The following ATAD1 variants were observed in gnomAD, a reference collection of about 807,000 sequenced individuals.
ATAD1 encodes the protein outer mitochondrial transmembrane helix translocase.
In ATAD1, 18 loss-of-function variants were observed where a neutral mutation model predicts 42.7. The ratio of observed to expected loss-of-function variants is 0.42; its 90% CI spans 0.29 to 0.63. The LOEUF (loss-of-function observed/expected upper bound fraction) is 0.63. Among genes scored for constraint, ATAD1 ranks in the 20% least tolerant of loss-of-function variants. ATAD1 has a pLI of 0.19. For missense variants in ATAD1, 294 were observed against 440.4 expected (o/e 0.67, Z 2.98); for synonymous variants, 132 against 143.1 (o/e 0.92, Z 0.55).
At chr10:87,765,471 C>A (rs1303687078) in intron 8 of ATAD1, among the ~76,000 whole-genome samples, 2 of 110,164 alleles carry the variant, frequency 1.8e-5, no homozygotes, top group Non-Finnish European at 3.4e-5. Context: ...TATTCAAAAT[C>A]CAGAAGCCAT....
upstream of ATAD1, among the ~76,000 whole-genome samples, chr10:87,822,863 T>C (rs1857656205): frequency 6.6e-6 from 1 of 152,016 alleles, no homozygotes; most frequent in East Asian, 1.9e-4. Context: ...GATGTGATTA[T>C]AACACATTGT....
At position 87,754,804 on chromosome 10, in the gene ATAD1, A is replaced by G. The variant is rs754296856; in HGVS notation, c.969T>C (p.His323=). The change falls in exon 10 of 10, where the codon CAT becomes CAC. Residue 323 remains histidine (H), a synonymous_variant. Coordinates refer to ENST00000680024, the MANE Select transcript of ATAD1 (RefSeq NM_001321967.2). ...EYVNSTSEES[H]DEDEIRPVQQ... is the part of the protein sequence containing the mutation. ...GAACAGGCCGAATTTCATCTTCGTC[A>G]TGGCTAAAATGCAAACAAAACCATC... The G allele has an allele frequency of 2.5e-6, 4 of 1,611,976 alleles. No individual in the cohort carries two copies. Among genetic ancestry groups the G allele is most frequent in the Non-Finnish European group, 2.5e-6 (3 of 1,178,622 alleles).
intron 4 of ATAD1, among the ~76,000 whole-genome samples, chr10:87,787,012 G>A (rs1227282663): frequency 6.6e-6 from 1 of 152,054 alleles, no homozygotes; most frequent in East Asian, 1.9e-4. Context: ...AATTATCAGT[G>A]AGTCTAGAGA....
At chr10:87,785,349 A>G (rs1177886094) in intron 4 of ATAD1, among the ~76,000 whole-genome samples, 2 of 150,560 alleles carry the variant, frequency 1.3e-5, no homozygotes, top group Admixed American at 1.3e-4. Flanking sequence ...ATGAGATAGC[A>G]TTTTCTAAAT....
chr10:87,802,031 T>G (rs1000777673), intron 2 of ATAD1, among the ~76,000 whole-genome samples: 2 of 152,242 alleles, frequency 1.3e-5, no homozygotes, highest in Non-Finnish European at 2.9e-5. Flanking sequence ...TAGACTCCTA[T>G]GAACAAAATT....
Position 87,803,321 on chromosome 10 carries a change from A to G in ATAD1, c.163-10566T>C, listed in dbSNP as rs1027305108. ...ATTTTCTTCTAAATATGCTTTCTCC[A>G]AAAGATTTTTAAAAAGGGAGGAAAT... On this transcript the variant is annotated intron_variant, in intron 2 of 9. Coordinates refer to ENST00000680024, the MANE Select transcript of ATAD1 (RefSeq NM_001321967.2). Among the ~76,000 whole-genome samples the G allele has an allele frequency of 9.8e-4, 149 of 152,318 alleles. 2 individuals are homozygous for G. Among genetic ancestry groups the G allele is most frequent in the Non-Finnish European group, 4.3e-4 (29 of 68,018 alleles).
At chr10:87,819,754 T>C (rs563119818), upstream of ATAD1, among the ~76,000 whole-genome samples, 6 of 152,366 alleles carry the variant, frequency 3.9e-5, no homozygotes, top group East Asian at 1.9e-4. Context: ...CCTTGTACTT[T>C]ACGTTTTCTC....
chr10:87,758,618 TAAAAAC>T (rs895856522), intron 8 of ATAD1, among the ~76,000 whole-genome samples: 1 of 151,782 alleles, frequency 6.6e-6, no homozygotes, highest in Non-Finnish European at 1.5e-5. Flanking sequence ...ACATTTGAAA[TAAAAAC>T]AAAGAAAAGC....
At chr10:87,766,542 G>A (rs1854758675) in intron 8 of ATAD1, among the ~76,000 whole-genome samples, 1 of 152,262 alleles carries the variant, frequency 6.6e-6, no homozygotes, top group Admixed American at 6.5e-5. Flanking sequence ...TAAAAAATAA[G>A]TAAATAAAAG....
At chr10:87,831,779 G>T (rs930143305) in intron 1 of ATAD1, among the ~76,000 whole-genome samples, 30 of 152,160 alleles carry the variant, frequency 2.0e-4, no homozygotes, top group African/African-American at 6.5e-4. Flanking sequence ...CTGACAAGTG[G>T]TTAAGAACCT....
chr10:87,765,188 T>C (rs1854681955), intron 8 of ATAD1, among the ~76,000 whole-genome samples: 1 of 152,052 alleles, frequency 6.6e-6, no homozygotes, highest in Non-Finnish European at 1.5e-5. Flanking sequence ...GGGTTTCTGG[T>C]AGTTCAAGGA....
intron 1 of ATAD1, among the ~76,000 whole-genome samples, chr10:87,817,098 A>G (rs1857451626): frequency 6.6e-6 from 1 of 152,248 alleles, no homozygotes; most frequent in Admixed American, 6.5e-5. Context: ...CACTTGTAAA[A>G]TAGTAGTCTA....
rs1856039726 is a variant in ATAD1, at chr10:87,790,395, G to A, written c.297C>T (p.Val99=). 1 of 1,612,106 alleles carries A rather than the reference G, an allele frequency of 6.2e-7. No individual in the cohort carries two copies. The highest frequency in any genetic ancestry group is 8.5e-7 in the Non-Finnish European group (1 of 1,179,620). ...TGACTGTGTCTTTCAGATCCGTAAT[G>A]ACATCATCTAAACCTGCTATATCAC... is the stretch of plus-strand genomic sequence containing the variant. The part of the protein sequence containing the change: ...TWSDIAGLDD[V]ITDLKDTVIL... Residue 99 remains valine (V), a synonymous_variant, in exon 4 of 10, where the codon GTC becomes GTT. Coordinates refer to ENST00000680024, the MANE Select transcript of ATAD1 (RefSeq NM_001321967.2).
chr10:87,756,848 C>G lies in ATAD1; in HGVS notation c.906G>C (p.Met302Ile), dbSNP rs1383619187. 6.2e-7 allele frequency: 1 copy of G among 1,612,970 alleles called. No individual in the cohort carries two copies. Among genetic ancestry groups the G allele is most frequent in the Non-Finnish European group, 8.5e-7 (1 of 1,179,428 alleles). Reference sequence around the variant, plus strand: ...CACAGAGGAGGGCAGCATCTCGACACATCTCTTTTAGGTCACTTCCTGAAA... The same window carrying G: ...CACAGAGGAGGGCAGCATCTCGACAGATCTCTTTTAGGTCACTTCCTGAAA... ...DGFSGSDLKE[M>I]CRDAALLCVR... is the part of the protein sequence containing the mutation. Residue 302 changes from methionine (M) to isoleucine (I), a missense_variant, in exon 9 of 10, where the codon ATG becomes ATC. Transcript: ENST00000680024.
intron 8 of ATAD1, among the ~76,000 whole-genome samples, chr10:87,767,144 A>G (rs1854791159): frequency 6.6e-6 from 1 of 152,220 alleles, no homozygotes; most frequent in Admixed American, 6.5e-5. Flanking sequence ...ACAGATACAA[A>G]AACACATGGC....
At chr10:87,768,547 C>A (rs1854875546) in intron 7 of ATAD1, among the ~76,000 whole-genome samples, 1 of 152,120 alleles carries the variant, frequency 6.6e-6, no homozygotes, top group Non-Finnish European at 1.5e-5. Flanking sequence ...TTAAGATTAA[C>A]CATACACTTT....
intron 4 of ATAD1, 94 bp downstream of exon 4, chr10:87,790,216 A>C: frequency 7.0e-7 from 1 of 1,435,340 alleles, no homozygotes; most frequent in Non-Finnish European, 9.5e-7. Context: ...CCTCTTGAGA[A>C]TCTGATTTCA....
At chr10:87,783,917 A>C (rs2131882327) in intron 5 of ATAD1, among the ~76,000 whole-genome samples, 1 of 152,102 alleles carries the variant, frequency 6.6e-6, no homozygotes, top group East Asian at 1.9e-4. Context: ...GCCAAATAAT[A>C]AACTGTAAAA....
chr10:87,810,546 T>C (rs1232012210), intron 2 of ATAD1, among the ~76,000 whole-genome samples: 1 of 152,206 alleles, frequency 6.6e-6, no homozygotes, highest in Non-Finnish European at 1.5e-5. Flanking sequence ...TACACACAAA[T>C]AGAAATGTTA....
Sources: allele counts gnomAD v4.1 joint callset (sites outside exome capture counted in the v4.1 genomes callset), GRCh38; gene constraint gnomAD v4.1.1; transcripts MANE v1.5; gene names NCBI Gene and HGNC (gene_info 2026-07-23, HGNC 2026-07-21).